Variants in NR6A1 observed in about 807,000 individuals in gnomAD.
The protein encoded by NR6A1 is nuclear receptor subfamily 6 group A member 1.
Under a neutral mutation model 59.1 loss-of-function variants are expected in NR6A1, and 7 were observed. The observed-to-expected ratio is 0.12, with a 90% confidence interval of 0.07 to 0.22. The LOEUF (loss-of-function observed/expected upper bound fraction) is 0.22. Among genes scored for constraint, NR6A1 ranks in the 10% least tolerant of loss-of-function variants. The probability of loss-of-function intolerance (pLI) is 1.00; values close to 1 mark genes in which losing one functional copy is unlikely to be tolerated. For synonymous variants in NR6A1, 243 were observed against 236.1 expected (o/e 1.03, Z -0.27); for missense variants, 468 against 611.6 (o/e 0.77, Z 2.48).
intron 3 of NR6A1, among the ~76,000 whole-genome samples, chr9:124,553,572 T>TTTTTTTTTTTTTTATTTTTTTTTTC (rs1833844050): frequency 6.8e-6 from 1 of 146,372 alleles, no homozygotes; most frequent in Non-Finnish European, 1.5e-5. Flanking sequence ...TTTTTTTTTT[T>TTTTTTTTTTTTTTATTTTTTTTTTC]TTCGTTTTTT....
At chr9:124,706,780 T>G (rs972600010) in intron 2 of NR6A1, among the ~76,000 whole-genome samples, 6 of 152,164 alleles carry the variant, frequency 3.9e-5, no homozygotes, top group Non-Finnish European at 7.4e-5. Context: ...CCTCCCAAAG[T>G]GCTGATATTA....
intron 2 of NR6A1, among the ~76,000 whole-genome samples, chr9:124,587,901 T>C (rs1171341584): frequency 1.3e-5 from 2 of 152,222 alleles, no homozygotes; most frequent in Non-Finnish European, 2.9e-5. Context: ...TCTCACTTGC[T>C]CTGTAGCCTA....
At chr9:124,757,460 G>GC (rs201038336) in intron 1 of NR6A1, among the ~76,000 whole-genome samples, 1 of 73,950 alleles carries the variant, frequency 1.4e-5, no homozygotes, top group East Asian at 3.6e-4. Context: ...CTAAAAAAAT[G>GC]CAAAAAAAAA....
chr9:124,733,140 A>G (rs1055163261), intron 2 of NR6A1, among the ~76,000 whole-genome samples, 168 bp downstream of exon 2: 3 of 152,382 alleles, frequency 2.0e-5, no homozygotes, highest in African/African-American at 4.8e-5. Flanking sequence ...AGAAGAAAGC[A>G]TAACTAGAAA....
intron 1 of NR6A1, among the ~76,000 whole-genome samples, chr9:124,762,679 C>G (rs1840815091): frequency 6.6e-6 from 1 of 152,210 alleles, no homozygotes; most frequent in Non-Finnish European, 1.5e-5. Context: ...ATCCATTGAT[C>G]AATCTGGCAT....
intron 2 of NR6A1, among the ~76,000 whole-genome samples, chr9:124,565,924 G>A (rs756939075): frequency 3.9e-4 from 60 of 152,196 alleles, no homozygotes; most frequent in Non-Finnish European, 6.9e-4. Context: ...TAAAGTGGAA[G>A]AGACATCTAT....
chr9:124,770,386 G>C (rs1285312752), intron 1 of NR6A1: 2 of 152,168 alleles, frequency 1.3e-5, no homozygotes, highest in Admixed American at 1.3e-4. Context: ...ACGGGGGTTC[G>C]GCAGAGGTGG....
intron 2 of NR6A1, among the ~76,000 whole-genome samples, chr9:124,729,047 T>C (rs1008373366): frequency 2.0e-5 from 3 of 152,220 alleles, no homozygotes; most frequent in South Asian, 2.1e-4. Flanking sequence ...ATTATATTTA[T>C]TAAGCTTGTT....
At chr9:124,677,230 C>T (rs1304621347) in intron 2 of NR6A1, among the ~76,000 whole-genome samples, 54 of 152,052 alleles carry the variant, frequency 3.6e-4, no homozygotes, top group Admixed American at 3.5e-3. Flanking sequence ...AGTATAGTAA[C>T]TACCAAGCTT....
intron 2 of NR6A1, among the ~76,000 whole-genome samples, chr9:124,640,956 G>T (rs1836752663): frequency 1.3e-5 from 2 of 152,042 alleles, no homozygotes; most frequent in Non-Finnish European, 2.9e-5. Context: ...GCTAAAATAA[G>T]AAGTTAAGAA....
intron 7 of NR6A1, among the ~76,000 whole-genome samples, chr9:124,534,973 A>C (rs1423587807): frequency 3.3e-5 from 5 of 152,244 alleles, no homozygotes; most frequent in African/African-American, 1.2e-4. Flanking sequence ...ATATACAAAA[A>C]ATTAGCCGGG....
At chr9:124,585,556 AAAGG>A (rs1468919299) in intron 2 of NR6A1, among the ~76,000 whole-genome samples, 3 of 119,426 alleles carry the variant, frequency 2.5e-5, no homozygotes, top group African/African-American at 1.0e-4. Flanking sequence ...AAAAAAAAAA[AAAGG>A]GGGGGGGGGG....
chr9:124,684,737 T>C (rs1838276953), intron 2 of NR6A1, among the ~76,000 whole-genome samples: 1 of 152,220 alleles, frequency 6.6e-6, no homozygotes, highest in Non-Finnish European at 1.5e-5. Context: ...TGTCAGACCC[T>C]GGAGGACCAT....
intron 2 of NR6A1, among the ~76,000 whole-genome samples, chr9:124,653,350 T>C (rs2130925204): frequency 6.6e-6 from 1 of 152,216 alleles, no homozygotes; most frequent in South Asian, 2.1e-4. Context: ...ATACTAGATG[T>C]CACTTGCCTA....
chr9:124,550,175 G>C (rs1833729100), intron 3 of NR6A1, among the ~76,000 whole-genome samples: 1 of 151,896 alleles, frequency 6.6e-6, no homozygotes, highest in Admixed American at 6.6e-5. Flanking sequence ...GTGTTTTATT[G>C]GTACTGTTAA....
chr9:124,579,983 C>T (rs1834716328), intron 2 of NR6A1, among the ~76,000 whole-genome samples: 1 of 152,184 alleles, frequency 6.6e-6, no homozygotes, highest in Non-Finnish European at 1.5e-5. Context: ...GCACTCCAGC[C>T]TGGACAACAA....
At chr9:124,677,379 C>A (rs1837997240) in intron 2 of NR6A1, among the ~76,000 whole-genome samples, 1 of 152,062 alleles carries the variant, frequency 6.6e-6, no homozygotes, top group African/African-American at 2.4e-5. Flanking sequence ...CTGCCTCAGC[C>A]CCACAAGTAG....
intron 2 of NR6A1, among the ~76,000 whole-genome samples, chr9:124,707,631 G>A (rs1301113369): frequency 6.6e-6 from 1 of 151,666 alleles, no homozygotes; most frequent in South Asian, 2.1e-4. Context: ...TCTGGATTCT[G>A]ACTTTTCCCC....
At chr9:124,570,911 T>G (rs900498664) in intron 2 of NR6A1, among the ~76,000 whole-genome samples, 6 of 152,236 alleles carry the variant, frequency 3.9e-5, no homozygotes, top group Non-Finnish European at 7.4e-5. Flanking sequence ...TTTAAAATTC[T>G]TACTTCTTGT....
Sources: allele counts gnomAD v4.1 joint callset (sites outside exome capture counted in the v4.1 genomes callset), GRCh38; gene constraint gnomAD v4.1.1; transcripts MANE v1.5; gene names NCBI Gene and HGNC (gene_info 2026-07-23, HGNC 2026-07-21).